Variants in MGAT5 observed in about 807,000 individuals in gnomAD.
MGAT5 encodes alpha-1,6-mannosylglycoprotein 6-beta-N-acetylglucosaminyltransferase, also known as alpha-1,6-mannosylglycoprotein 6-beta-N-acetylglucosaminyltransferase A.
A neutral mutation model predicts 94.3 loss-of-function variants in MGAT5; 30 were observed. The observed-to-expected ratio is 0.32, with a 90% CI of 0.24 to 0.43. The LOEUF (loss-of-function observed/expected upper bound fraction) is 0.43, where lower values mean the gene tolerates loss of function less well. Ranked by LOEUF, MGAT5 falls within the 20% of genes least tolerant of loss-of-function variation. The pLI is 1.00. For synonymous variants in MGAT5, 310 were observed against 322.9 expected (o/e 0.96, Z 0.43); for missense variants, 691 against 905.5 (o/e 0.76, Z 3.04).
chr2:134,225,010 C>T (rs1165550456), intron 1 of MGAT5, among the ~76,000 whole-genome samples: 3 of 132,590 alleles, frequency 2.3e-5, no homozygotes, highest in African/African-American at 8.6e-5. Context: ...GCCTGGGAGG[C>T]GGAGGCTTCA....
In MGAT5 at chr2:134,440,745, GTGAT is replaced by G. The variant is rs572000767; in HGVS notation, c.1870-1004_1870-1001del. On this transcript the variant is annotated intron_variant, in intron 14 of 15. Coordinates refer to ENST00000281923, the MANE Select transcript of MGAT5 (RefSeq NM_002410.5). ...CAGGCCTGATTGCGGTGCCATGTTAGTGATTGATTGATAGTGAATTATGAGGTGG... is the reference window on the plus strand; with the variant it reads ...CAGGCCTGATTGCGGTGCCATGTTAGTGATTGATAGTGAATTATGAGGTGG... Among the ~76,000 whole-genome samples, 590 of 152,338 alleles carry G rather than the reference GTGAT, an allele frequency of 3.9e-3. 17 individuals carry two copies. The highest frequency in any genetic ancestry group is 0.033 in the Admixed American group (501 of 15,298).
intron 12 of MGAT5, among the ~76,000 whole-genome samples, chr2:134,419,787 A>G (rs545775891): frequency 3.2e-4 from 49 of 152,276 alleles, no homozygotes; most frequent in Non-Finnish European, 5.4e-4. Context: ...AAGTGCTTGG[A>G]GCAACCTTGT....
chr2:134,336,539 T>C (rs1688344661), intron 5 of MGAT5, among the ~76,000 whole-genome samples: 1 of 152,052 alleles, frequency 6.6e-6, no homozygotes, highest in Non-Finnish European at 1.5e-5. Flanking sequence ...GTACGAGCTG[T>C]GGAGGCCCTT....
At chr2:134,445,409 A>T (rs1685715218) in intron 15 of MGAT5, among the ~76,000 whole-genome samples, 1 of 151,548 alleles carries the variant, frequency 6.6e-6, no homozygotes, top group Non-Finnish European at 1.5e-5. Context: ...AGCCCTCAAG[A>T]GAGGGGGCTA....
At chr2:134,330,296 G>A (rs1427372676) in intron 4 of MGAT5, among the ~76,000 whole-genome samples, 1 of 152,034 alleles carries the variant, frequency 6.6e-6, no homozygotes, top group Non-Finnish European at 1.5e-5. Context: ...TGCAGAGTTG[G>A]GCATAGAGTC....
upstream of MGAT5, among the ~76,000 whole-genome samples, chr2:134,251,436 C>G (rs1682587106): frequency 6.6e-6 from 1 of 152,142 alleles, no homozygotes; most frequent in Admixed American, 6.5e-5. Context: ...TGCTGTAGTG[C>G]CCTAGGCGAC....
At chr2:134,370,038 C>T (rs538853184) in intron 10 of MGAT5, among the ~76,000 whole-genome samples, 1 of 152,286 alleles carries the variant, frequency 6.6e-6, no homozygotes, top group African/African-American at 2.4e-5. Context: ...TAGGTGACTG[C>T]TGCATCTGAG....
At chr2:134,334,612 G>A (rs1688228844) in intron 4 of MGAT5, among the ~76,000 whole-genome samples, 1 of 133,350 alleles carries the variant, frequency 7.5e-6, no homozygotes, top group Admixed American at 9.1e-5. Context: ...ATGCTTTATT[G>A]AGTCCATTAG....
chr2:134,227,402 A>G (rs1681117868), intron 1 of MGAT5, among the ~76,000 whole-genome samples: 1 of 152,216 alleles, frequency 6.6e-6, no homozygotes, highest in South Asian at 2.1e-4. Context: ...GAGGCCAAAG[A>G]TGAGAATCTG....
chr2:134,408,337 A>G (rs1156447347), intron 11 of MGAT5, among the ~76,000 whole-genome samples: 1 of 152,188 alleles, frequency 6.6e-6, no homozygotes, highest in African/African-American at 2.4e-5. Context: ...AAGTTAATAA[A>G]TTTACAATGT....
Position 134,427,725 on chromosome 2 carries a change from G to A in MGAT5, c.1795-640G>A, listed in dbSNP as rs545998436. Among the ~76,000 whole-genome samples, 8 of 152,316 alleles carry A rather than the reference G, an allele frequency of 5.3e-5. No homozygotes were observed. In the East Asian group the frequency reaches 9.6e-4, roughly 18 times the overall value. ...CTGCCTTAAAAGCCCAGCATGAGTA[G>A]AAGTCTGCTTTGACCCTCTAGCCTC... On this transcript the variant is annotated intron_variant, in intron 13 of 15. Coordinates refer to ENST00000281923, the MANE Select transcript of MGAT5 (RefSeq NM_002410.5).
intron 15 of MGAT5, among the ~76,000 whole-genome samples, chr2:134,445,974 G>A (rs1685747927): frequency 2.0e-5 from 3 of 152,192 alleles, no homozygotes; most frequent in Non-Finnish European, 4.4e-5. Context: ...AGAGCTATGG[G>A]ATGGGCACAT....
At chr2:134,256,609 C>A (rs1185006342) in intron 1 of MGAT5, among the ~76,000 whole-genome samples, 1 of 152,168 alleles carries the variant, frequency 6.6e-6, no homozygotes, top group Non-Finnish European at 1.5e-5. Context: ...AGCTTTTCAG[C>A]CTCACAGAAA....
intron 2 of MGAT5, among the ~76,000 whole-genome samples, chr2:134,302,771 T>TGTGTGTGTGTG (rs1573745916): frequency 2.2e-5 from 3 of 139,294 alleles, no homozygotes; most frequent in East Asian, 2.3e-4. Flanking sequence ...TGTGTGTGTG[T>TGTGTGTGTGTG]TTTCCAGCCT....
intron 2 of MGAT5, among the ~76,000 whole-genome samples, chr2:134,283,139 C>T (rs1246976322): frequency 1.3e-5 from 2 of 152,250 alleles, no homozygotes; most frequent in South Asian, 2.1e-4. Flanking sequence ...GACTTGTGTG[C>T]GCAGTACAGA....
chr2:134,182,074 A>G (rs1256823291), intron 1 of MGAT5, among the ~76,000 whole-genome samples: 2 of 152,232 alleles, frequency 1.3e-5, no homozygotes, highest in East Asian at 1.9e-4. Flanking sequence ...TTAAGTGCAT[A>G]TGGTATGCTT....
chr2:134,171,858 G>A (rs896145884), intron 1 of MGAT5, among the ~76,000 whole-genome samples: 4 of 152,246 alleles, frequency 2.6e-5, no homozygotes, highest in African/African-American at 7.2e-5. Flanking sequence ...CTCTTGTCGG[G>A]GAGAGGGCCA....
rs908794220 is a variant in MGAT5 at position 134,273,415 on chromosome 2, A to T, written c.406+2865A>T. ...TCTCTCTCCCTTCCTGAATGGAGAC[A>T]TGCGGTAATTGCTCAGAAATGTTCT... On this transcript the variant is annotated intron_variant, in intron 2 of 15. Transcript: ENST00000281923. Among the ~76,000 whole-genome samples, 20 of 152,272 alleles carry T rather than the reference A, an allele frequency of 1.3e-4. No homozygotes were observed. In the East Asian group the frequency reaches 1.5e-3, roughly 12 times the overall value.
chr2:134,384,175 A>G (rs1255511884), intron 10 of MGAT5, among the ~76,000 whole-genome samples: 2 of 150,250 alleles, frequency 1.3e-5, no homozygotes, highest in Non-Finnish European at 1.5e-5. Context: ...TAGGGACCTC[A>G]TGGTACACAA....
Sources: allele counts gnomAD v4.1 joint callset (sites outside exome capture counted in the v4.1 genomes callset), GRCh38; gene constraint gnomAD v4.1.1; transcripts MANE v1.5; gene names NCBI Gene and HGNC (gene_info 2026-07-23, HGNC 2026-07-21).